ASTN2: variants seen among roughly 807,000 people sequenced by gnomAD.
ASTN2 encodes astrotactin-2.
In ASTN2, 54 loss-of-function variants were observed where a neutral mutation model predicts 139.8. That is an observed-to-expected ratio of 0.39 (90% CI 0.31 to 0.48). ASTN2 has a LOEUF of 0.48. Among genes scored for constraint, ASTN2 ranks in the 20% least tolerant of loss-of-function variants. The pLI is 0.95. For missense variants in ASTN2, 1,565 were observed against 1,725.1 expected (o/e 0.91, Z 1.64); for synonymous variants, 756 against 719.5 (o/e 1.05, Z -0.81).
chr9:116,814,924 T>C (rs1463484032), intron 12 of ASTN2, among the ~76,000 whole-genome samples: 1 of 152,234 alleles, frequency 6.6e-6, no homozygotes, highest in Non-Finnish European at 1.5e-5. Flanking sequence ...ACCTGAGCTT[T>C]TACAAATGTT....
At chr9:116,544,319 G>A (rs570346193) in intron 19 of ASTN2, among the ~76,000 whole-genome samples, 1 of 152,278 alleles carries the variant, frequency 6.6e-6, no homozygotes, top group South Asian at 2.1e-4. Context: ...GTCTAATCAA[G>A]TGACTCATCT....
intron 19 of ASTN2, among the ~76,000 whole-genome samples, chr9:116,571,606 C>T (rs79257812): frequency 0.012 from 1,901 of 152,178 alleles, 16 homozygotes; most frequent in Non-Finnish European, 0.019. Flanking sequence ...ATGTGGCACA[C>T]GGTATGTATA....
chr9:116,861,214 TACACACAC>T lies in ASTN2; in HGVS notation c.2040+2361_2040+2368del, dbSNP rs60909208. Among the ~76,000 whole-genome samples the T allele has an allele frequency of 5.9e-3, 846 of 143,730 alleles. 8 individuals are homozygous for T. The highest frequency in any genetic ancestry group is 0.011 in the Middle Eastern group (3 of 268). The allele number at this position is 143,730 out of a possible 152,430, so 94.3% of individuals were successfully genotyped here. Reference sequence around the variant, plus strand: ...AAGACAAAGAGAGACAAGCCCAAGCTACACACACACACACACACACACACACACACACA... The same window carrying T: ...AAGACAAAGAGAGACAAGCCCAAGCTACACACACACACACACACACACACA... On this transcript the variant is annotated intron_variant, in intron 11 of 22. Transcript: ENST00000313400.
chr9:117,234,582 T>C (rs1363994025), intron 2 of ASTN2, among the ~76,000 whole-genome samples: 3 of 152,196 alleles, frequency 2.0e-5, no homozygotes, highest in African/African-American at 4.8e-5. Context: ...TTGTACACTT[T>C]CCTTTGAAAA....
chr9:116,905,229 G>A (rs143856421), intron 10 of ASTN2, among the ~76,000 whole-genome samples: 34 of 152,172 alleles, frequency 2.2e-4, no homozygotes, highest in East Asian at 7.8e-4. Flanking sequence ...ATGTCCTAGC[G>A]GAAATAAATG....
intron 1 of ASTN2, among the ~76,000 whole-genome samples, chr9:117,376,733 GGGC>G (rs1830134552): frequency 6.6e-6 from 1 of 152,104 alleles, no homozygotes; most frequent in African/African-American, 2.4e-5. Flanking sequence ...TGGAAAATCG[GGGC>G]TATGATGTTT....
At chr9:116,795,977 C>T (rs1485987281) in intron 13 of ASTN2, among the ~76,000 whole-genome samples, 1 of 152,198 alleles carries the variant, frequency 6.6e-6, no homozygotes, top group Non-Finnish European at 1.5e-5. Context: ...TAGTTTTTAA[C>T]AGCAGCACAC....
rs528663232 is a variant in ASTN2 at position 116,888,519 on chromosome 9, T to TTTTG, written c.1890-24790_1890-24787dup. On this transcript the variant is annotated intron_variant, in intron 10 of 22. Transcript: ENST00000313400. ...GTAAGCCTTCTCCAGAGGTTCTTTC[T>TTTTG]TTTGTTTGTTTGTTTGTTTTTGAGA... is the stretch of plus-strand genomic sequence containing the variant. 2.2e-3 allele frequency among the ~76,000 whole-genome samples: 329 copies of TTTTG among 152,182 alleles called. 4 individuals carry two copies. Among genetic ancestry groups the TTTTG allele is most frequent in the Non-Finnish European group, 1.2e-3 (81 of 68,008 alleles).
chr9:117,239,195 CA>C (rs1356773655), intron 2 of ASTN2, among the ~76,000 whole-genome samples: 2 of 152,164 alleles, frequency 1.3e-5, no homozygotes, highest in African/African-American at 4.8e-5. Flanking sequence ...ATCCCCTTAG[CA>C]AAAGGCAGCT....
intron 16 of ASTN2, chr9:116,687,047 G>A (rs982860849): frequency 7.5e-7 from 1 of 1,334,064 alleles, no homozygotes; most frequent in Non-Finnish European, 9.6e-7. Flanking sequence ...TACGCATTCT[G>A]GCTTATCTCC....
intron 16 of ASTN2, among the ~76,000 whole-genome samples, chr9:116,666,542 G>C (rs1454398219): frequency 3.3e-5 from 5 of 152,080 alleles, no homozygotes; most frequent in African/African-American, 1.2e-4. Context: ...CTGTCCGCTA[G>C]ATCTTGTCAT....
intron 1 of ASTN2, among the ~76,000 whole-genome samples, chr9:117,340,833 G>A (rs1022213914): frequency 6.6e-6 from 1 of 152,180 alleles, no homozygotes; most frequent in Non-Finnish European, 1.5e-5. Context: ...GTGATTCATG[G>A]TGTGACCTTG....
At chr9:116,584,239 C>T (rs545732641) in intron 19 of ASTN2, 1 of 152,288 alleles carries the variant, frequency 6.6e-6, no homozygotes, top group South Asian at 2.1e-4. Flanking sequence ...CTCAGTGTTC[C>T]AGGCCCCAGA....
chr9:117,404,691 A>G (rs1269492264), intron 1 of ASTN2, among the ~76,000 whole-genome samples: 3 of 152,156 alleles, frequency 2.0e-5, no homozygotes. Context: ...CTAGCCAGAT[A>G]GCGGCTACAT....
At chr9:117,020,647 C>A (rs1042135097) in intron 6 of ASTN2, among the ~76,000 whole-genome samples, 8 of 152,072 alleles carry the variant, frequency 5.3e-5, no homozygotes, top group Non-Finnish European at 7.4e-5. Context: ...TTGAATTTAG[C>A]CCACACTTTC....
At chr9:117,257,196 C>T (rs1189470663) in intron 2 of ASTN2, among the ~76,000 whole-genome samples, 1 of 152,096 alleles carries the variant, frequency 6.6e-6, no homozygotes, top group Admixed American at 6.5e-5. Flanking sequence ...AAATGCTGGT[C>T]CTGATTCATT....
chr9:116,988,671 G>A (rs759594327), intron 7 of ASTN2, among the ~76,000 whole-genome samples: 2 of 152,096 alleles, frequency 1.3e-5, no homozygotes, highest in Non-Finnish European at 2.9e-5. Flanking sequence ...TCTGAAGTCA[G>A]AGCCCCTCAC....
intron 17 of ASTN2, among the ~76,000 whole-genome samples, chr9:116,631,370 GA>G (rs1385287477): frequency 6.6e-6 from 1 of 152,120 alleles, no homozygotes; most frequent in African/African-American, 2.4e-5. Context: ...ATATACAATG[GA>G]GCATTATTCA....
At chr9:116,564,583 T>C (rs1564119273) in intron 19 of ASTN2, among the ~76,000 whole-genome samples, 1 of 152,186 alleles carries the variant, frequency 6.6e-6, no homozygotes, top group African/African-American at 2.4e-5. Flanking sequence ...GCTGGCCACA[T>C]GATTAATTCC....
Sources: allele counts gnomAD v4.1 joint callset (sites outside exome capture counted in the v4.1 genomes callset), GRCh38; gene constraint gnomAD v4.1.1; transcripts MANE v1.5; gene names NCBI Gene and HGNC (gene_info 2026-07-23, HGNC 2026-07-21).